Variants in MYRIP observed in about 807,000 individuals in gnomAD.
MYRIP encodes rab effector MyRIP.
Under a neutral mutation model 98.0 loss-of-function variants are expected in MYRIP, and 49 were observed. That is an observed-to-expected ratio of 0.50 (90% CI 0.40 to 0.63). The LOEUF is 0.63. MYRIP is among the 30% of genes least tolerant of loss of function. The pLI is 0.00. For missense variants in MYRIP, 1,004 were observed against 1,058.2 expected, an observed-to-expected ratio of 0.95 and a Z score of 0.71; for synonymous variants, 404 against 409.5, an observed-to-expected ratio of 0.99 and a Z score of 0.16.
Position 39,898,308 on chromosome 3 carries a change from T to A in MYRIP, c.-30-2479T>A, listed in dbSNP as rs183430407. ...AAAATAGTTGGAATTCCTGTTGTGA[T>A]TTGTTGGTTAAATCTTGAGATTGGT... On this transcript the variant is annotated intron_variant, in intron 1 of 16. Coordinates refer to ENST00000302541, the MANE Select transcript of MYRIP (RefSeq NM_015460.4). Among the ~76,000 whole-genome samples, 947 of 152,254 alleles carry A rather than the reference T, an allele frequency of 6.2e-3. 2 individuals carry two copies. Among genetic ancestry groups the A allele is most frequent in the Non-Finnish European group, 8.8e-3 (597 of 68,026 alleles).
At chr3:40,039,698 TG>T (rs1267536558) in intron 2 of MYRIP, among the ~76,000 whole-genome samples, 1 of 146,810 alleles carries the variant, frequency 6.8e-6, no homozygotes, top group Non-Finnish European at 1.5e-5. Context: ...AATATAGTGT[TG>T]AGGAAAGTTT....
At chr3:40,135,871 C>T (rs1949753552) in intron 3 of MYRIP, among the ~76,000 whole-genome samples, 1 of 152,210 alleles carries the variant, frequency 6.6e-6, no homozygotes, top group African/African-American at 2.4e-5. Context: ...CCCAAAAGAG[C>T]TCCTGAAGGA....
chr3:39,924,292 T>C (rs917893672), intron 2 of MYRIP, among the ~76,000 whole-genome samples: 3 of 152,024 alleles, frequency 2.0e-5, no homozygotes, highest in African/African-American at 7.2e-5. Context: ...TAGAACTATA[T>C]ATATGATATA....
intron 1 of MYRIP, among the ~76,000 whole-genome samples, chr3:39,876,271 C>T (rs1575331762): frequency 6.6e-6 from 1 of 152,286 alleles, no homozygotes; most frequent in Non-Finnish European, 1.5e-5. Flanking sequence ...ATACAGCACA[C>T]TGTTGGGTCT....
At chr3:40,221,921 G>A (rs1360484135) in intron 11 of MYRIP, among the ~76,000 whole-genome samples, 1 of 152,168 alleles carries the variant, frequency 6.6e-6, no homozygotes, top group Non-Finnish European at 1.5e-5. Context: ...GAGATACGGG[G>A]AGATGGAGTT....
intron 2 of MYRIP, among the ~76,000 whole-genome samples, chr3:39,951,164 T>G (rs1448984078): frequency 6.6e-6 from 1 of 152,200 alleles, no homozygotes; most frequent in Admixed American, 6.6e-5. Context: ...TTTTACTCAC[T>G]AATTTTCAAA....
At chr3:39,809,546 C>T (rs2125558165), upstream of MYRIP, 3 of 150,638 alleles carry the variant, frequency 2.0e-5, 1 homozygote, top group Middle Eastern at 0.01. Context: ...GCAGGCTCCC[C>T]CGCTCCGGGC....
intron 1 of MYRIP, among the ~76,000 whole-genome samples, chr3:39,856,469 C>G (rs991134566): frequency 7.2e-5 from 11 of 152,204 alleles, no homozygotes; most frequent in African/African-American, 2.7e-4. Context: ...CATTTGAATG[C>G]ACAGTAGAAC....
At chr3:40,062,124 C>T (rs1233957328) in intron 3 of MYRIP, among the ~76,000 whole-genome samples, 1 of 152,090 alleles carries the variant, frequency 6.6e-6, no homozygotes, top group Non-Finnish European at 1.5e-5. Flanking sequence ...TCAATTTTTG[C>T]TTTTGTTGCA....
intron 1 of MYRIP, among the ~76,000 whole-genome samples, chr3:39,879,002 G>A (rs564239399): frequency 3.3e-5 from 5 of 151,880 alleles, no homozygotes; most frequent in East Asian, 1.9e-4. Flanking sequence ...GGAGGCGGAG[G>A]TTGCAGTGAG....
chr3:39,989,709 C>G (rs1270074913), intron 2 of MYRIP, among the ~76,000 whole-genome samples: 1 of 152,230 alleles, frequency 6.6e-6, no homozygotes, highest in Non-Finnish European at 1.5e-5. Flanking sequence ...CCTTGAGTCC[C>G]TGGCTGAAGT....
chr3:40,125,253 A>G (rs571743055), intron 3 of MYRIP, among the ~76,000 whole-genome samples: 29 of 152,356 alleles, frequency 1.9e-4, no homozygotes, highest in African/African-American at 6.3e-4. Flanking sequence ...TTTATTAAGT[A>G]TTAACTTACA....
intron 3 of MYRIP, among the ~76,000 whole-genome samples, chr3:40,078,854 A>G (rs145435519): frequency 1.6e-4 from 25 of 152,230 alleles, no homozygotes; most frequent in African/African-American, 6.0e-4. Context: ...TGAAGGAGAC[A>G]GGGGAGTGCT....
chr3:39,887,359 T>G (rs1447939393), intron 1 of MYRIP, among the ~76,000 whole-genome samples: 1 of 151,376 alleles, frequency 6.6e-6, no homozygotes, highest in South Asian at 2.1e-4. Context: ...CTGAAGGAAA[T>G]AGAGACACAA....
chr3:40,091,770 C>G (rs773714298), intron 3 of MYRIP, among the ~76,000 whole-genome samples: 3 of 152,112 alleles, frequency 2.0e-5, no homozygotes, highest in Non-Finnish European at 4.4e-5. Flanking sequence ...AATTAGACTG[C>G]AGGATTCTTG....
chr3:40,185,003 T>G (rs1950989002), intron 9 of MYRIP, among the ~76,000 whole-genome samples: 1 of 152,150 alleles, frequency 6.6e-6, no homozygotes, highest in African/African-American at 2.4e-5. Flanking sequence ...GCCTCAGAGG[T>G]CTTGAGGGAT....
At chr3:39,995,794 G>A (rs575750482) in intron 2 of MYRIP, among the ~76,000 whole-genome samples, 69 of 152,224 alleles carry the variant, frequency 4.5e-4, no homozygotes, top group East Asian at 3.7e-3. Context: ...GAGAAAGGTC[G>A]GGTTACCCAC....
intron 2 of MYRIP, among the ~76,000 whole-genome samples, chr3:39,914,195 TA>T (rs1944096363): frequency 6.6e-6 from 1 of 152,128 alleles, no homozygotes; most frequent in African/African-American, 2.4e-5. Context: ...ACAATATCTT[TA>T]ACTGAAAAAA....
chr3:40,017,574 G>T (rs1312128545), intron 2 of MYRIP, among the ~76,000 whole-genome samples: 1 of 151,782 alleles, frequency 6.6e-6, no homozygotes, highest in Non-Finnish European at 1.5e-5. Flanking sequence ...AGCACCAACA[G>T]AAGTTTTTCT....
Sources: allele counts gnomAD v4.1 joint callset (sites outside exome capture counted in the v4.1 genomes callset), GRCh38; gene constraint gnomAD v4.1.1; transcripts MANE v1.5; gene names NCBI Gene and HGNC (gene_info 2026-07-23, HGNC 2026-07-21).